Variants in CSMD3 observed in about 807,000 individuals in gnomAD.
CSMD3 encodes the protein CUB and Sushi multiple domains 3, also known as CUB and sushi domain-containing protein 3.
A neutral mutation model predicts 435.2 loss-of-function variants in CSMD3; 177 were observed. That is an observed-to-expected ratio of 0.41 (90% CI 0.36 to 0.46). CSMD3 has a LOEUF of 0.46. CSMD3 is among the 20% of genes least tolerant of loss of function. The pLI, the probability that CSMD3 is intolerant of heterozygous loss-of-function variation, is 0.34. For synonymous variants in CSMD3, 1,656 were observed against 1,520.5 expected, an observed-to-expected ratio of 1.09 and a Z score of -2.07; for missense variants, 4,265 against 4,504.6, an observed-to-expected ratio of 0.95 and a Z score of 1.52.
chr8:113,400,763 C>A (rs1425387264), intron 1 of CSMD3, among the ~76,000 whole-genome samples: 2 of 151,754 alleles, frequency 1.3e-5, no homozygotes, highest in Non-Finnish European at 3.0e-5. Flanking sequence ...CATATTTAAG[C>A]GTGGTACAAA....
intron 13 of CSMD3, among the ~76,000 whole-genome samples, chr8:112,721,314 C>T (rs190714510): frequency 6.6e-6 from 1 of 152,214 alleles, no homozygotes; most frequent in East Asian, 1.9e-4. Flanking sequence ...GTGGCTCATT[C>T]CTGCAATCCC....
intron 31 of CSMD3, among the ~76,000 whole-genome samples, chr8:112,484,352 A>C (rs1290129304): frequency 6.6e-6 from 1 of 152,166 alleles, no homozygotes; most frequent in Non-Finnish European, 1.5e-5. Flanking sequence ...TAATCGTTTC[A>C]GATACCTCAA....
At chr8:113,403,074 T>G (rs1440902796) in intron 1 of CSMD3, among the ~76,000 whole-genome samples, 4 of 151,378 alleles carry the variant, frequency 2.6e-5, no homozygotes. Flanking sequence ...ATCTTTAGAA[T>G]CAGTGGGAGT....
chr8:113,337,951 T>C lies in CSMD3; in HGVS notation c.179-23158A>G, dbSNP rs373848682. Reference sequence around the variant, plus strand: ...GAAAACATGTTGTAGGCAATAAATATATGCAATTTTTATTTTCAATAAATA... The same window carrying C: ...GAAAACATGTTGTAGGCAATAAATACATGCAATTTTTATTTTCAATAAATA... On this transcript the variant is annotated intron_variant, in intron 1 of 70. Transcript: ENST00000297405. Among the ~76,000 whole-genome samples, 11 of 152,064 alleles carry C rather than the reference T, an allele frequency of 7.2e-5. No homozygotes were observed. The South Asian group carries it at 1.7e-3, about 23-fold the overall frequency.
intron 5 of CSMD3, among the ~76,000 whole-genome samples, chr8:113,062,912 T>A (rs2088679466): frequency 6.6e-6 from 1 of 151,772 alleles, no homozygotes; most frequent in Admixed American, 6.6e-5. Flanking sequence ...TTTCCGCTTT[T>A]ATAGGTGACT....
intron 19 of CSMD3, among the ~76,000 whole-genome samples, chr8:112,648,181 T>A (rs1218783855): frequency 6.6e-6 from 1 of 152,192 alleles, no homozygotes; most frequent in African/African-American, 2.4e-5. Context: ...AGATCTGGAC[T>A]AGTTACCGCT....
rs953185503 is a variant in CSMD3, at chr8:113,139,489, A to G, written c.709+34233T>C. On this transcript the variant is annotated intron_variant, in intron 4 of 70. Transcript: ENST00000297405. ...GGCACCATTTTACATGTATTTATATATAATATATGTTTTTATATATGTAAA... is the reference window on the plus strand; with the variant it reads ...GGCACCATTTTACATGTATTTATATGTAATATATGTTTTTATATATGTAAA... Among the ~76,000 whole-genome samples the G allele has an allele frequency of 2.0e-5, 3 of 150,938 alleles. No individual in the cohort carries two copies. In the Admixed American group the frequency reaches 2.0e-4, roughly 10 times the overall value.
At chr8:112,789,710 G>T (rs145451332) in intron 13 of CSMD3, among the ~76,000 whole-genome samples, 4 of 152,028 alleles carry the variant, frequency 2.6e-5, no homozygotes, top group Non-Finnish European at 5.9e-5. Flanking sequence ...CTGTTTTAAA[G>T]AAACGTCAAA....
chr8:112,247,984 T>C lies in CSMD3; in HGVS notation c.10111-853A>G, dbSNP rs190649326. ...ATTAGATTGATTGGCATTTATTGTT[T>C]ACAAAGTGAGCAGGGTAGGTAGAGG... On this transcript the variant is annotated intron_variant, in intron 63 of 70. Coordinates refer to ENST00000297405, the MANE Select transcript of CSMD3 (RefSeq NM_198123.2). 1.1e-3 allele frequency among the ~76,000 whole-genome samples: 165 copies of C among 152,256 alleles called. 1 individual carries two copies. The highest frequency in any genetic ancestry group is 3.9e-3 in the African/African-American group (163 of 41,568).
intron 12 of CSMD3, among the ~76,000 whole-genome samples, chr8:112,814,294 T>C (rs947118834): frequency 6.6e-6 from 1 of 152,218 alleles, no homozygotes; most frequent in Non-Finnish European, 1.5e-5. Flanking sequence ...AAATGATCTT[T>C]GGAGACAGTC....
At chr8:112,507,024 T>G (rs973798739) in intron 28 of CSMD3, among the ~76,000 whole-genome samples, 195 bp from the exon 29 acceptor site, 7 of 152,124 alleles carry the variant, frequency 4.6e-5, no homozygotes, top group African/African-American at 1.7e-4. Flanking sequence ...CATACATACA[T>G]GGATACATAA....
chr8:112,558,683 A>C (rs1828348806), intron 24 of CSMD3, among the ~76,000 whole-genome samples: 1 of 151,912 alleles, frequency 6.6e-6, no homozygotes, highest in Non-Finnish European at 1.5e-5. Context: ...GGTGCGAGGA[A>C]GAAACATACA....
intron 10 of CSMD3, among the ~76,000 whole-genome samples, chr8:112,920,330 G>T (rs1446382582): frequency 6.6e-6 from 1 of 151,728 alleles, no homozygotes; most frequent in Non-Finnish European, 1.5e-5. Flanking sequence ...TTAAAGAAAA[G>T]AAAAAGGTAA....
In CSMD3 at chr8:112,314,418, C is replaced by A. The variant is rs1230881921; in HGVS notation, c.7549+11G>T. 4 of 1,562,962 alleles carry A rather than the reference C, an allele frequency of 2.6e-6. No homozygotes were observed. The highest frequency in any genetic ancestry group is 2.6e-6 in the Non-Finnish European group (3 of 1,134,028). Reference sequence around the variant, plus strand: ...ATTGATGAATATCCAATAAATATAACCCTTGGTTACCATCATACACCTGAA... The same window carrying A: ...ATTGATGAATATCCAATAAATATAAACCTTGGTTACCATCATACACCTGAA... On this transcript the variant is annotated intron_variant, in intron 48 of 70. Coordinates refer to ENST00000297405, the MANE Select transcript of CSMD3 (RefSeq NM_198123.2).
intron 1 of CSMD3, chr8:113,377,195 C>A: frequency 8.7e-7 from 1 of 1,153,982 alleles, no homozygotes; most frequent in Non-Finnish European, 1.1e-6. Context: ...CTCCAATGGC[C>A]GGAAGTTCGA....
intron 1 of CSMD3, among the ~76,000 whole-genome samples, chr8:113,330,445 A>G (rs1482885753): frequency 1.3e-5 from 2 of 152,054 alleles, no homozygotes; most frequent in Non-Finnish European, 2.9e-5. Flanking sequence ...AATGACAAGA[A>G]TAAGTTCTGC....
chr8:113,231,184 T>C (rs187045021), intron 3 of CSMD3, among the ~76,000 whole-genome samples: 82 of 151,566 alleles, frequency 5.4e-4, no homozygotes, highest in Non-Finnish European at 2.2e-4. Flanking sequence ...ATGTAAGCTA[T>C]ATATTATTTA....
chr8:113,018,821 C>T (rs544583624), intron 6 of CSMD3: 2 of 483,168 alleles, frequency 4.1e-6, no homozygotes, highest in East Asian at 7.2e-5. Flanking sequence ...AATATTGCAT[C>T]TGCTACATAC....
chr8:112,368,386 G>C (rs1246340576), intron 38 of CSMD3, among the ~76,000 whole-genome samples: 2 of 152,060 alleles, frequency 1.3e-5, no homozygotes, highest in African/African-American at 4.8e-5. Context: ...TGACATTCTG[G>C]GTTGGTAGCC....
Sources: allele counts gnomAD v4.1 joint callset (sites outside exome capture counted in the v4.1 genomes callset), GRCh38; gene constraint gnomAD v4.1.1; transcripts MANE v1.5; gene names NCBI Gene and HGNC (gene_info 2026-07-23, HGNC 2026-07-21).